Variants in DCLK1 observed in about 807,000 individuals in gnomAD.
DCLK1 encodes serine/threonine-protein kinase DCLK1.
Under a neutral mutation model 86.2 loss-of-function variants are expected in DCLK1, and 16 were observed. The ratio of observed to expected loss-of-function variants is 0.19; its 90% CI spans 0.13 to 0.28. The LOEUF (loss-of-function observed/expected upper bound fraction) is 0.28, where lower values mean the gene tolerates loss of function less well. DCLK1 is among the 10% of genes least tolerant of loss of function. DCLK1 has a pLI of 1.00. For missense variants in DCLK1, 590 were observed against 940.2 expected (o/e 0.63, Z 4.87); for synonymous variants, 369 against 370.5 (o/e 1.00, Z 0.05).
chr13:35,871,302 C>T lies in DCLK1; in HGVS notation c.862G>A (p.Ala288Thr). ...VVKSTSYTKI[A>T]SSSRRSTTKS... ...GTGGTGCTCCTGCGGGATGATGAAG[C>T]TATTTTGGTGTAAGAAGTGGACTTT... The change falls in exon 5 of 17, where the codon GCT (alanine) becomes ACT (threonine). Residue 288 changes from alanine (A) to threonine (T), a missense_variant. By Grantham distance (58) the Ala-to-Thr change is moderately conservative. Coordinates refer to ENST00000360631, the MANE Select transcript of DCLK1 (RefSeq NM_001330071.2). The T allele has an allele frequency of 1.9e-6, 3 of 1,614,000 alleles. No homozygotes were observed. Among genetic ancestry groups the T allele is most frequent in the Non-Finnish European group, 2.5e-6 (3 of 1,179,976 alleles).
chr13:35,874,341 T>C (rs1872474148), intron 4 of DCLK1, among the ~76,000 whole-genome samples: 1 of 152,224 alleles, frequency 6.6e-6, no homozygotes, highest in African/African-American at 2.4e-5. Flanking sequence ...ACAGATGTTA[T>C]AAGACTACAA....
At chr13:36,054,750 T>C (rs924150678) in intron 3 of DCLK1, among the ~76,000 whole-genome samples, 1 of 152,088 alleles carries the variant, frequency 6.6e-6, no homozygotes, top group Non-Finnish European at 1.5e-5. Context: ...ATTTAAGAGA[T>C]AAGGAAACAG....
At chr13:35,796,386 C>G (rs576754478) in intron 15 of DCLK1, among the ~76,000 whole-genome samples, 1 of 152,006 alleles carries the variant, frequency 6.6e-6, no homozygotes, top group South Asian at 2.1e-4. Flanking sequence ...TTGAAAGATA[C>G]GAGAAAGGGC....
intron 3 of DCLK1, among the ~76,000 whole-genome samples, chr13:36,086,229 A>G (rs1391991848): frequency 6.6e-6 from 1 of 152,138 alleles, no homozygotes; most frequent in Non-Finnish European, 1.5e-5. Context: ...TCGACAAACC[A>G]AGTCAATGTC....
intron 3 of DCLK1, among the ~76,000 whole-genome samples, chr13:35,977,076 T>C (rs752170828): frequency 6.6e-5 from 10 of 152,128 alleles, no homozygotes; most frequent in Non-Finnish European, 1.5e-4. Flanking sequence ...CCACTCCAGA[T>C]GTTAAGAAAT....
rs1460328542 is a variant in DCLK1 at position 36,068,363 on chromosome 13, CTT to C, written c.723+43504_723+43505del. Among the ~76,000 whole-genome samples the C allele has an allele frequency of 9.2e-5, 14 of 152,156 alleles. No individual in the cohort carries two copies. In the East Asian group the frequency reaches 1.5e-3, roughly 17 times the overall value. Reference sequence around the variant, plus strand: ...AGGCCATGTAAATCAATCCTAAACTCTTTACACAAAGCCACAGTAAAAAGAAC... The same window carrying C: ...AGGCCATGTAAATCAATCCTAAACTCTACACAAAGCCACAGTAAAAAGAAC... On this transcript the variant is annotated intron_variant, in intron 3 of 16. Transcript: ENST00000360631.
intron 6 of DCLK1, chr13:35,847,874 A>G (rs757160300): frequency 9.0e-4 from 886 of 985,288 alleles, no homozygotes; most frequent in Non-Finnish European, 1.0e-3. Context: ...GCAGTACAGA[A>G]ACTGTCTAGA....
intron 5 of DCLK1, among the ~76,000 whole-genome samples, chr13:35,858,214 T>C (rs897794896): frequency 6.6e-6 from 1 of 151,840 alleles, no homozygotes; most frequent in Non-Finnish European, 1.5e-5. Context: ...TCTAGGGTAG[T>C]GTCATGGGGT....
chr13:35,905,305 G>A (rs1808958018), intron 4 of DCLK1, among the ~76,000 whole-genome samples: 1 of 152,212 alleles, frequency 6.6e-6, no homozygotes, highest in Admixed American at 6.5e-5. Context: ...GCCAATCACA[G>A]TTTTCTTCTG....
chr13:35,980,670 T>A (rs1431687676), intron 3 of DCLK1, among the ~76,000 whole-genome samples: 1 of 152,142 alleles, frequency 6.6e-6, no homozygotes, highest in African/African-American at 2.4e-5. Context: ...GGTGCGGGGA[T>A]GGTTTCGTGA....
chr13:36,078,160 G>C lies in DCLK1; in HGVS notation c.723+33709C>G, dbSNP rs143854260. Among the ~76,000 whole-genome samples, 1,168 of 152,276 alleles carry C rather than the reference G, an allele frequency of 7.7e-3. 16 individuals carry two copies. Among genetic ancestry groups the C allele is most frequent in the African/African-American group, 0.026 (1,086 of 41,548 alleles). On this transcript the variant is annotated intron_variant, in intron 3 of 16. Transcript: ENST00000360631. Reference sequence around the variant, plus strand: ...AGAGACCCCAGAGCTTCCACTCTACGCCATGTGAGGACAGAGCAAACCAAG... The same window carrying C: ...AGAGACCCCAGAGCTTCCACTCTACCCCATGTGAGGACAGAGCAAACCAAG...
chr13:36,069,688 T>C (rs1471222040), intron 3 of DCLK1, among the ~76,000 whole-genome samples: 8 of 152,298 alleles, frequency 5.3e-5, no homozygotes, highest in African/African-American at 1.7e-4. Flanking sequence ...ACTCAGGTTG[T>C]GTCACAACAT....
intron 3 of DCLK1, among the ~76,000 whole-genome samples, chr13:36,066,272 C>T (rs1469084601): frequency 2.0e-5 from 3 of 152,116 alleles, no homozygotes. Context: ...CAGGGCTTCT[C>T]CACCTCTTCT....
intron 3 of DCLK1, among the ~76,000 whole-genome samples, chr13:35,992,547 C>T (rs1014559268): frequency 5.3e-5 from 8 of 152,052 alleles, no homozygotes; most frequent in Non-Finnish European, 1.2e-4. Flanking sequence ...TGGAAATCTA[C>T]TCCTGACTTA....
At chr13:35,998,755 A>G (rs1421077474) in intron 3 of DCLK1, among the ~76,000 whole-genome samples, 1 of 152,198 alleles carries the variant, frequency 6.6e-6, no homozygotes, top group Non-Finnish European at 1.5e-5. Flanking sequence ...TCAGAGCTAC[A>G]CCCTAAAATA....
intron 3 of DCLK1, among the ~76,000 whole-genome samples, chr13:36,064,343 TC>T (rs1414435354): frequency 6.6e-6 from 1 of 152,138 alleles, no homozygotes; most frequent in African/African-American, 2.4e-5. Flanking sequence ...AAGACAAAGG[TC>T]CATTTAACTT....
At chr13:35,893,461 C>T (rs1371668219) in intron 4 of DCLK1, among the ~76,000 whole-genome samples, 1 of 152,226 alleles carries the variant, frequency 6.6e-6, no homozygotes. Flanking sequence ...TCACTTACTA[C>T]TGGTTGAGCA....
chr13:35,993,630 C>T (rs1040297002), intron 3 of DCLK1, among the ~76,000 whole-genome samples: 1 of 152,082 alleles, frequency 6.6e-6, no homozygotes, highest in Non-Finnish European at 1.5e-5. Context: ...CAGTACCTGC[C>T]GTGCCTTCAT....
chr13:36,029,221 G>A (rs987757718), intron 3 of DCLK1, among the ~76,000 whole-genome samples: 1 of 152,116 alleles, frequency 6.6e-6, no homozygotes, highest in Non-Finnish European at 1.5e-5. Context: ...CTCAGCTCAG[G>A]AATCACTTCC....
Sources: gnomAD v4.1 joint callset for allele counts (sites outside exome capture counted in the v4.1 genomes callset) on GRCh38, gnomAD v4.1.1 for gene constraint, MANE v1.5 for transcripts, NCBI Gene and HGNC (gene_info 2026-07-23, HGNC 2026-07-21) for gene names.